Variants in NUDT13 observed in about 807,000 individuals in gnomAD.
The protein encoded by NUDT13 is nudix hydrolase 13, also known as NAD(P)H pyrophosphatase NUDT13, mitochondrial.
A neutral mutation model predicts 41.7 loss-of-function variants in NUDT13; 40 were observed. The ratio of observed to expected loss-of-function variants is 0.96; its 90% CI spans 0.75 to 1.25. The LOEUF (loss-of-function observed/expected upper bound fraction) is 1.25, where lower values mean the gene tolerates loss of function less well. Ranked by LOEUF, NUDT13 falls within the 50% of genes most tolerant of loss-of-function variation. The probability of loss-of-function intolerance (pLI) is 0.00; values close to 1 mark genes in which losing one functional copy is unlikely to be tolerated. For synonymous variants in NUDT13, 145 were observed against 155.5 expected, an observed-to-expected ratio of 0.93 and a Z score of 0.50; for missense variants, 390 against 416.1, an observed-to-expected ratio of 0.94 and a Z score of 0.55.
At chr10:73,122,107 T>C (rs1481700221) in intron 3 of NUDT13, 68 bp from the exon 4 acceptor site, 1 of 1,527,460 alleles carries the variant, frequency 6.5e-7, no homozygotes, top group Non-Finnish European at 8.8e-7. Flanking sequence ...GTGAGTCTAA[T>C]ATGGCTGTAG....
intron 4 of NUDT13, among the ~76,000 whole-genome samples, chr10:73,123,861 G>T (rs1842705971): frequency 1.3e-5 from 2 of 152,114 alleles, no homozygotes; most frequent in East Asian, 3.9e-4. Flanking sequence ...GTTTCACCAT[G>T]TTGGCCAGGC....
chr10:73,122,497 A>G (rs1470685038), intron 4 of NUDT13, among the ~76,000 whole-genome samples, 188 bp downstream of exon 4: 1 of 152,200 alleles, frequency 6.6e-6, no homozygotes, highest in Admixed American at 6.5e-5. Context: ...GGACATTTTA[A>G]TGCCTTCTAA....
At chr10:73,119,722 G>A (rs867037883) in intron 2 of NUDT13, among the ~76,000 whole-genome samples, 2 of 152,154 alleles carry the variant, frequency 1.3e-5, no homozygotes, top group Non-Finnish European at 2.9e-5. Context: ...ACAGAGCTGA[G>A]TAAAGCATAC....
chr10:73,130,076 A>G (rs904403101), intron 8 of NUDT13: 5 of 152,010 alleles, frequency 3.3e-5, no homozygotes, highest in Non-Finnish European at 7.4e-5. Flanking sequence ...TTCATAATTT[A>G]TTCTCAATGT....
chr10:73,127,974 A>G (rs1424120288), intron 8 of NUDT13, among the ~76,000 whole-genome samples: 1 of 150,360 alleles, frequency 6.7e-6, no homozygotes, highest in African/African-American at 2.5e-5. Flanking sequence ...CCACCATTCT[A>G]CTCTCTGCTT....
chr10:73,127,407 A>T (rs928729732), intron 8 of NUDT13, among the ~76,000 whole-genome samples: 9 of 152,128 alleles, frequency 5.9e-5, no homozygotes, highest in African/African-American at 2.2e-4. Context: ...TAATTTAATT[A>T]AATATGATTT....
intron 2 of NUDT13, among the ~76,000 whole-genome samples, chr10:73,116,788 A>G (rs1391767446): frequency 6.6e-6 from 1 of 151,944 alleles, no homozygotes; most frequent in Non-Finnish European, 1.5e-5. Flanking sequence ...CTACATGAAC[A>G]AGAGTGAACA....
rs556800794 is a variant in NUDT13, at chr10:73,131,101, G to T, written c.*198G>T. The T allele has an allele frequency of 6.3e-6, 3 of 478,160 alleles. No homozygotes were observed. The South Asian group carries it at 6.7e-5, about 11-fold the overall frequency. 29.6% of individuals were successfully genotyped at this position (478,160 alleles called of 1,614,324 possible). The stretch of plus-strand genomic sequence containing the variant: ...TACCAATGGGCAATCAAAAAAGCCA[G>T]TGTGAGAAGAAAACTGATGAGCTGT... On this transcript the variant is annotated 3_prime_UTR_variant, in exon 9 of 9. Coordinates refer to ENST00000357321, the MANE Select transcript of NUDT13 (RefSeq NM_015901.6).
chr10:73,120,247 C>T, intron 3 of NUDT13, 90 bp downstream of exon 3: 2 of 1,368,574 alleles, frequency 1.5e-6, no homozygotes, highest in Non-Finnish European at 2.0e-6. Context: ...GATCCTTGAA[C>T]TTTGGAGTCT....
chr10:73,122,900 C>CT (rs60953028), intron 4 of NUDT13, among the ~76,000 whole-genome samples: 2,151 of 123,032 alleles, frequency 0.017, 32 homozygotes, highest in African/African-American at 0.035. Context: ...TTGTATATTT[C>CT]TTTTTTTTTT....
intron 2 of NUDT13, chr10:73,119,416 C>T (rs763146974): frequency 1.5e-5 from 11 of 744,196 alleles, no homozygotes; most frequent in Non-Finnish European, 1.8e-5. Context: ...AGTAAGGGTA[C>T]ATTGAAGGTA....
Position 73,125,111 on chromosome 10 carries a change from T to C in NUDT13, c.466-7T>C. On this transcript the variant is annotated splice_polypyrimidine_tract_variant and splice_region_variant and intron_variant, in intron 5 of 8. Transcript: ENST00000357321. ...AAATGACACCAGGCCCATCATTGTG[T>C]TCCTAGGCTCAAGCTCTTCTCCGCT... 1 of 1,604,708 alleles carries C rather than the reference T, an allele frequency of 6.2e-7. No individual in the cohort carries two copies. The highest frequency in any genetic ancestry group is 2.2e-5 in the East Asian group (1 of 44,796).
chr10:73,117,243 TA>T (rs1842535903), intron 2 of NUDT13, among the ~76,000 whole-genome samples: 1 of 151,918 alleles, frequency 6.6e-6, no homozygotes. Flanking sequence ...AGTGATTAAA[TA>T]AATCTATTTA....
chr10:73,122,138 T>A lies in NUDT13; in HGVS notation c.224-37T>A, dbSNP rs761264079. 6 of 1,601,116 alleles carry A rather than the reference T, an allele frequency of 3.7e-6. No individual in the cohort carries two copies. In the South Asian group the frequency reaches 6.7e-5, roughly 18 times the overall value. ...TGTAGTGATTTAATAGAAACCCTTGTGTTTTGCTTTTCTCCCTTCCCCTTT... is the reference window on the plus strand; with the variant it reads ...TGTAGTGATTTAATAGAAACCCTTGAGTTTTGCTTTTCTCCCTTCCCCTTT... On this transcript the variant is annotated intron_variant, in intron 3 of 8. Transcript: ENST00000357321.
intron 3 of NUDT13, among the ~76,000 whole-genome samples, chr10:73,121,368 A>G (rs751514723): frequency 7.9e-5 from 12 of 152,248 alleles, no homozygotes; most frequent in Non-Finnish European, 1.6e-4. Context: ...AGTAGTTTCT[A>G]GCACTGCAGA....
rs748254051 is a variant in NUDT13 at position 73,119,971 on chromosome 10, G to A, written c.84-47G>A. On this transcript the variant is annotated intron_variant, in intron 2 of 8. Coordinates refer to ENST00000357321, the MANE Select transcript of NUDT13 (RefSeq NM_015901.6). ...ATTCTCAAAGATGAATGCTATACAG[G>A]TAACTAAGGGTGGTTTTGTAATGGT... 3 of 1,588,614 alleles carry A rather than the reference G, an allele frequency of 1.9e-6. No individual in the cohort carries two copies. In the Admixed American group the frequency reaches 5.0e-5, roughly 27 times the overall value.
intron 1 of NUDT13, among the ~76,000 whole-genome samples, chr10:73,112,328 G>A (rs748738040): frequency 4.0e-5 from 6 of 151,786 alleles, no homozygotes; most frequent in African/African-American, 9.7e-5. Flanking sequence ...ACTCCAGCCC[G>A]GGCAACAAGA....
Position 73,126,718 on chromosome 10 carries a change from T to G in NUDT13, c.749T>G (p.Val250Gly), listed in dbSNP as rs1842791933. The change falls in exon 8 of 9, where the codon GTG becomes GGG. Residue 250 changes from valine to glycine, a missense_variant. Val to Gly is a moderately radical substitution (Grantham distance 109, BLOSUM62 -3). Transcript: ENST00000357321. The part of the protein sequence containing the change: ...ETIRREVAEE[V>G]GLEVESLQYY... Reference sequence around the variant, plus strand: ...ATCCGCCGAGAAGTTGCAGAAGAGGTGGGATTGGAGGTGGAAAGCCTGCAG... The same window carrying G: ...ATCCGCCGAGAAGTTGCAGAAGAGGGGGGATTGGAGGTGGAAAGCCTGCAG... 4.3e-6 allele frequency: 7 copies of G among 1,612,830 alleles called. No homozygotes were observed. Among genetic ancestry groups the G allele is most frequent in the Non-Finnish European group, 5.9e-6 (7 of 1,179,496 alleles).
intron 2 of NUDT13, chr10:73,119,413 GTA>G: frequency 1.4e-6 from 1 of 715,636 alleles, no homozygotes; most frequent in Non-Finnish European, 1.7e-6. Flanking sequence ...TGAAGTAAGG[GTA>G]CATTGAAGGT....
Sources: gnomAD v4.1 joint callset for allele counts (sites outside exome capture counted in the v4.1 genomes callset) on GRCh38, gnomAD v4.1.1 for gene constraint, MANE v1.5 for transcripts, NCBI Gene and HGNC (gene_info 2026-07-23, HGNC 2026-07-21) for gene names.